RNF180: variants seen among roughly 807,000 people sequenced by gnomAD.
RNF180 encodes ring finger protein 180.
RNF180 carries 38 observed loss-of-function variants against 59.2 expected under a neutral mutation model. The observed-to-expected ratio is 0.64, with a 90% CI of 0.50 to 0.84. The LOEUF (loss-of-function observed/expected upper bound fraction) is 0.84, where lower values mean the gene tolerates loss of function less well. Ranked by LOEUF, RNF180 falls within the 40% of genes least tolerant of loss-of-function variation. The probability of loss-of-function intolerance (pLI) is 0.00; values close to 1 mark genes in which losing one functional copy is unlikely to be tolerated. For synonymous variants in RNF180, 262 were observed against 240.3 expected (o/e 1.09, Z -0.84); for missense variants, 705 against 700.9 (o/e 1.01, Z -0.07).
intron 7 of RNF180, among the ~76,000 whole-genome samples, chr5:64,337,352 C>T (rs1011621914): frequency 1.3e-5 from 2 of 152,008 alleles, no homozygotes; most frequent in Admixed American, 6.6e-5. Context: ...TTTACTTTTT[C>T]GGTCTTTATC....
chr5:64,280,560 G>T (rs1208875061), intron 5 of RNF180, among the ~76,000 whole-genome samples: 1 of 151,896 alleles, frequency 6.6e-6, no homozygotes, highest in East Asian at 1.9e-4. Flanking sequence ...ATTGAATAGG[G>T]AGTCTTTTCC....
intron 2 of RNF180, among the ~76,000 whole-genome samples, chr5:64,202,733 C>T (rs757476555): frequency 6.6e-6 from 1 of 152,054 alleles, no homozygotes; most frequent in Non-Finnish European, 1.5e-5. Flanking sequence ...AATGATGTAG[C>T]GTACTTTTTT....
intron 5 of RNF180, among the ~76,000 whole-genome samples, chr5:64,225,585 G>A (rs1338769600): frequency 4.4e-5 from 6 of 135,772 alleles, no homozygotes; most frequent in Admixed American, 3.0e-4. Flanking sequence ...GGAAGTGAGC[G>A]CCTCTGCCTA....
At chr5:64,346,221 G>A (rs1390012299) in intron 7 of RNF180, among the ~76,000 whole-genome samples, 1 of 150,786 alleles carries the variant, frequency 6.6e-6, no homozygotes, top group African/African-American at 2.4e-5. Context: ...AAAATTCCAA[G>A]GTCCTCAACT....
chr5:64,262,621 T>C (rs1259282190), intron 5 of RNF180, among the ~76,000 whole-genome samples: 1 of 152,046 alleles, frequency 6.6e-6, no homozygotes, highest in African/African-American at 2.4e-5. Flanking sequence ...TAGGGAAAAA[T>C]TGAGACTGTT....
chr5:64,178,823 G>A (rs181455482), intron 1 of RNF180, among the ~76,000 whole-genome samples: 32 of 152,048 alleles, frequency 2.1e-4, no homozygotes, highest in African/African-American at 4.1e-4. Flanking sequence ...ATCAATCAGC[G>A]TTGCTCATTT....
intron 7 of RNF180, among the ~76,000 whole-genome samples, chr5:64,334,751 T>C (rs542644227): frequency 2.6e-5 from 4 of 152,218 alleles, no homozygotes; most frequent in Non-Finnish European, 5.9e-5. Flanking sequence ...TTCTTTTTAC[T>C]ACTACACTGT....
chr5:64,217,236 C>T, intron 4 of RNF180, 125 bp from the exon 5 acceptor site: 2 of 1,126,454 alleles, frequency 1.8e-6, no homozygotes, highest in Admixed American at 3.9e-5. Context: ...ATGAATGATC[C>T]ACAGTTTATC....
At chr5:64,201,086 A>G in intron 2 of RNF180, 144 bp downstream of exon 2, 1 of 622,020 alleles carries the variant, frequency 1.6e-6, no homozygotes, top group Non-Finnish European at 2.6e-6. Context: ...ACCTTATTTC[A>G]CCTGACCCAC....
intron 1 of RNF180, among the ~76,000 whole-genome samples, chr5:64,170,107 C>G (rs1749861251): frequency 6.6e-6 from 1 of 152,166 alleles, no homozygotes; most frequent in South Asian, 2.1e-4. Flanking sequence ...TAAGGTTGGC[C>G]ACAGAGTTAT....
At chr5:64,176,970 G>A (rs188108999) in intron 1 of RNF180, among the ~76,000 whole-genome samples, 129 of 152,230 alleles carry the variant, frequency 8.5e-4, no homozygotes, top group Non-Finnish European at 1.5e-3. Flanking sequence ...GTAAATTGGG[G>A]GCTGTCTACT....
chr5:64,294,836 C>T (rs1334516589), intron 5 of RNF180, among the ~76,000 whole-genome samples: 2 of 152,150 alleles, frequency 1.3e-5, no homozygotes, highest in African/African-American at 2.4e-5. Context: ...GATGTTCATT[C>T]ACTGAATTGT....
In RNF180 at chr5:64,247,954, A is replaced by T. The variant is rs151149521; in HGVS notation, c.1227+30558A>T. Among the ~76,000 whole-genome samples, 1,379 of 152,312 alleles carry T rather than the reference A, an allele frequency of 9.1e-3. 57 individuals are homozygous for T. The highest frequency in any genetic ancestry group is 0.07 in the Admixed American group (1,077 of 15,294). On this transcript the variant is annotated intron_variant, in intron 5 of 7. Coordinates refer to ENST00000389100, the MANE Select transcript of RNF180 (RefSeq NM_001113561.2). ...GAACAGAGGCCTCAGTAATAATGCCACACATCTAAAACCATCTGATCTTTG... is the reference window on the plus strand; with the variant it reads ...GAACAGAGGCCTCAGTAATAATGCCTCACATCTAAAACCATCTGATCTTTG...
chr5:64,270,884 T>C (rs191071817), intron 5 of RNF180, among the ~76,000 whole-genome samples: 88 of 152,216 alleles, frequency 5.8e-4, no homozygotes, highest in African/African-American at 1.9e-3. Context: ...GACCAAGATA[T>C]AATCACAAAA....
At position 64,214,249 on chromosome 5, in the gene RNF180, G is replaced by A. The variant is rs763627455; in HGVS notation, c.923G>A (p.Gly308Glu). 2 of 1,614,044 alleles carry A rather than the reference G, an allele frequency of 1.2e-6. No individual in the cohort carries two copies. The highest frequency in any genetic ancestry group is 2.2e-5 in the South Asian group (2 of 91,082). Residue 308 changes from glycine to glutamate, a missense_variant, in exon 4 of 8, where the codon GGA (glycine) becomes GAA (glutamate). Gly to Glu is a moderately conservative substitution (Grantham distance 98, BLOSUM62 -2). Coordinates refer to ENST00000389100, the MANE Select transcript of RNF180 (RefSeq NM_001113561.2). ...APHETQTQRG[G>E]EFQCGLEAAS... is the part of the protein sequence containing the mutation. ...CATGAGACCCAGACACAAAGAGGAG[G>A]AGAATTTCAGTGTGGTCTAGAAGCT...
chr5:64,210,693 C>T (rs761062017), intron 2 of RNF180, among the ~76,000 whole-genome samples: 3 of 152,108 alleles, frequency 2.0e-5, no homozygotes, highest in Admixed American at 6.6e-5. Flanking sequence ...TGAAGTACAC[C>T]TCTTCCTGCC....
intron 5 of RNF180, among the ~76,000 whole-genome samples, chr5:64,315,724 G>A (rs1163405027): frequency 1.6e-5 from 2 of 126,734 alleles, no homozygotes; most frequent in African/African-American, 6.3e-5. Flanking sequence ...CAACAAGAGC[G>A]TAACTGTCTC....
chr5:64,354,011 T>C (rs150091252), intron 7 of RNF180, among the ~76,000 whole-genome samples: 14 of 151,402 alleles, frequency 9.2e-5, no homozygotes, highest in Admixed American at 8.6e-4. Flanking sequence ...AGTAAATGCC[T>C]CCATTAAAAA....
intron 1 of RNF180, among the ~76,000 whole-genome samples, chr5:64,179,323 T>C (rs1357383403): frequency 6.6e-6 from 1 of 152,212 alleles, no homozygotes; most frequent in Non-Finnish European, 1.5e-5. Flanking sequence ...TTTTCCTTTT[T>C]TGTTTTAAAA....
Sources: gnomAD v4.1 joint callset for allele counts (sites outside exome capture counted in the v4.1 genomes callset) on GRCh38, gnomAD v4.1.1 for gene constraint, MANE v1.5 for transcripts, NCBI Gene and HGNC (gene_info 2026-07-23, HGNC 2026-07-21) for gene names.